The following FBXL13 variants were observed in gnomAD, a reference collection of about 807,000 sequenced individuals.
FBXL13 encodes F-box and leucine-rich repeat protein 13.
A neutral mutation model predicts 83.6 loss-of-function variants in FBXL13; 67 were observed. The ratio of observed to expected loss-of-function variants is 0.80; its 90% confidence interval spans 0.66 to 0.98. The LOEUF is 0.98. Among genes scored for constraint, FBXL13 ranks in the 50% least tolerant of loss-of-function variants. The pLI is 0.00. For synonymous variants in FBXL13, 272 were observed against 299.5 expected, an observed-to-expected ratio of 0.91 and a Z score of 0.95; for missense variants, 822 against 866.5, an observed-to-expected ratio of 0.95 and a Z score of 0.64.
intron 18 of FBXL13, among the ~76,000 whole-genome samples, chr7:102,830,689 A>G (rs190047008): frequency 1.1e-4 from 17 of 152,344 alleles, no homozygotes; most frequent in Non-Finnish European, 1.6e-4. Context: ...ACAACATAGA[A>G]GCTGAACTTC....
At chr7:102,998,416 C>T (rs1315768362) in intron 6 of FBXL13, among the ~76,000 whole-genome samples, 2 of 152,108 alleles carry the variant, frequency 1.3e-5, no homozygotes, top group African/African-American at 4.8e-5. Context: ...TGTGTGTTCT[C>T]TTCAACTTCT....
chr7:103,023,210 A>C (rs905490984), intron 6 of FBXL13, among the ~76,000 whole-genome samples: 3 of 152,184 alleles, frequency 2.0e-5, no homozygotes, highest in Non-Finnish European at 4.4e-5. Context: ...CGGGAGGTGG[A>C]GCCTGCAGTG....
At chr7:103,021,372 T>G (rs1793152247) in intron 6 of FBXL13, among the ~76,000 whole-genome samples, 3 of 152,106 alleles carry the variant, frequency 2.0e-5, no homozygotes. Flanking sequence ...CCTAAAACCA[T>G]AAAAACCCTA....
intron 6 of FBXL13, among the ~76,000 whole-genome samples, chr7:102,974,184 G>A (rs189353490): frequency 5.7e-4 from 87 of 152,224 alleles, no homozygotes; most frequent in Non-Finnish European, 1.0e-3. Flanking sequence ...AGGTCAGGAG[G>A]TCAAGACTAT....
At chr7:103,058,723 T>C (rs1049873290) in intron 1 of FBXL13, among the ~76,000 whole-genome samples, 1 of 152,254 alleles carries the variant, frequency 6.6e-6, no homozygotes, top group African/African-American at 2.4e-5. Context: ...TTCCTATGCA[T>C]ACTGATGTCT....
chr7:103,039,127 A>T (rs967400490), intron 2 of FBXL13, among the ~76,000 whole-genome samples: 3 of 152,204 alleles, frequency 2.0e-5, no homozygotes, highest in African/African-American at 7.2e-5. Context: ...AAGACCTTAA[A>T]TGACCTGATG....
intron 17 of FBXL13, among the ~76,000 whole-genome samples, chr7:102,850,647 CT>C (rs756859502): frequency 2.0e-5 from 3 of 152,138 alleles, no homozygotes; most frequent in East Asian, 3.8e-4. Flanking sequence ...AATCTTTCAA[CT>C]TTTTGTCTTA....
At chr7:102,854,372 G>C (rs2129451456) in intron 17 of FBXL13, among the ~76,000 whole-genome samples, 1 of 152,204 alleles carries the variant, frequency 6.6e-6, no homozygotes, top group East Asian at 1.9e-4. Flanking sequence ...GGACTGTTGT[G>C]GGGTGGGGGG....
At chr7:103,056,414 T>C (rs1018703451) in intron 1 of FBXL13, among the ~76,000 whole-genome samples, 1 of 152,154 alleles carries the variant, frequency 6.6e-6, no homozygotes, top group South Asian at 2.1e-4. Flanking sequence ...ACTGATCAAA[T>C]GGTAGTTCTA....
chr7:102,849,442 C>T (rs1406163479), intron 17 of FBXL13, among the ~76,000 whole-genome samples: 1 of 152,104 alleles, frequency 6.6e-6, no homozygotes, highest in Admixed American at 6.6e-5. Flanking sequence ...CTTGCAAAAC[C>T]TAACCAGGGT....
At chr7:103,052,606 T>C (rs1796929084) in intron 2 of FBXL13, among the ~76,000 whole-genome samples, 1 of 152,226 alleles carries the variant, frequency 6.6e-6, no homozygotes, top group Non-Finnish European at 1.5e-5. Flanking sequence ...TGCAAAGTCA[T>C]ATCTCATTTT....
chr7:102,843,312 G>T (rs1431674888), intron 17 of FBXL13, among the ~76,000 whole-genome samples: 2 of 151,916 alleles, frequency 1.3e-5, no homozygotes, highest in Non-Finnish European at 2.9e-5. Context: ...GCGTGGTGGC[G>T]CATGCCTGTA....
intron 17 of FBXL13, among the ~76,000 whole-genome samples, chr7:102,846,734 AGTG>A (rs1353672344): frequency 9.2e-5 from 2 of 21,850 alleles, no homozygotes; most frequent in African/African-American, 3.3e-4. Flanking sequence ...ATAATACCCC[AGTG>A]TTGTACTAAG....
intron 8 of FBXL13, among the ~76,000 whole-genome samples, chr7:102,956,439 C>T (rs992112490): frequency 6.6e-6 from 1 of 152,136 alleles, no homozygotes; most frequent in Non-Finnish European, 1.5e-5. Flanking sequence ...ACTGAATGGG[C>T]AAAATTTGGA....
At chr7:102,886,244 T>C (rs901921536) in intron 11 of FBXL13, among the ~76,000 whole-genome samples, 4 of 152,242 alleles carry the variant, frequency 2.6e-5, no homozygotes, top group African/African-American at 9.6e-5. Context: ...GAAATTGAGA[T>C]GCTGCCCAGA....
At chr7:103,021,224 A>T (rs1166559998) in intron 6 of FBXL13, among the ~76,000 whole-genome samples, 1 of 152,186 alleles carries the variant, frequency 6.6e-6, no homozygotes, top group Admixed American at 6.5e-5. Flanking sequence ...CAAAAACAAG[A>T]AATGGGGAAA....
At chr7:102,873,504 G>T (rs1386321221) in intron 16 of FBXL13, among the ~76,000 whole-genome samples, 1 of 152,136 alleles carries the variant, frequency 6.6e-6, no homozygotes, top group African/African-American at 2.4e-5. Flanking sequence ...CCTAACACAG[G>T]CGTTCATAAC....
rs79259191 is a variant in FBXL13 at position 103,034,507 on chromosome 7, G to A, written c.1-5089C>T. Among the ~76,000 whole-genome samples, 351 of 152,328 alleles carry A rather than the reference G, an allele frequency of 2.3e-3. 9 individuals carry two copies. In the East Asian group the frequency reaches 0.047, roughly 21 times the overall value. On this transcript the variant is annotated intron_variant, in intron 2 of 19. Coordinates refer to ENST00000313221, the Ensembl canonical transcript of FBXL13. ...GCTGGCCGCTCTGAGTGCGGGGTCC[G>A]CTGAGCCCACGCCCACCCGGAACTC...
chr7:102,982,145 G>A (rs1828327385), intron 6 of FBXL13, among the ~76,000 whole-genome samples: 1 of 152,134 alleles, frequency 6.6e-6, no homozygotes, highest in African/African-American at 2.4e-5. Flanking sequence ...TTCTTCGCTT[G>A]TTGATTCAGG....
Sources: gnomAD v4.1 joint callset for allele counts (sites outside exome capture counted in the v4.1 genomes callset) on GRCh38, gnomAD v4.1.1 for gene constraint, MANE v1.5 for transcripts, NCBI Gene and HGNC (gene_info 2026-07-23, HGNC 2026-07-21) for gene names.